NCKAP5: variants seen among roughly 807,000 people sequenced by gnomAD.
NCKAP5 encodes NCK associated protein 5.
In NCKAP5, 92 loss-of-function variants were observed where a neutral mutation model predicts 167.0. That is an observed-to-expected ratio of 0.55 (90% CI 0.47 to 0.66). The LOEUF is 0.66. NCKAP5 is among the 30% of genes least tolerant of loss of function. NCKAP5 has a pLI of 0.00. For missense variants in NCKAP5, 2,378 were observed against 2,315.0 expected, an observed-to-expected ratio of 1.03 and a Z score of -0.56; for synonymous variants, 891 against 877.4, an observed-to-expected ratio of 1.02 and a Z score of -0.27.
At chr2:133,669,336 G>C in the NCKAP5 span, among the ~76,000 whole-genome samples, 10 of 152,168 alleles carry the variant, frequency 6.6e-5, no homozygotes, top group Admixed American at 2.0e-4. Context: ...ATTTTTGTCA[G>C]TGCTTTCTTG....
intron 3 of NCKAP5, among the ~76,000 whole-genome samples, chr2:133,480,781 G>A (rs192291985): frequency 2.7e-4 from 41 of 152,260 alleles, no homozygotes; most frequent in African/African-American, 6.7e-4. Flanking sequence ...AATGAACTGC[G>A]TGTTCCAAGC....
At chr2:133,044,475 T>A (rs1441587848) in intron 6 of NCKAP5, among the ~76,000 whole-genome samples, 1 of 152,054 alleles carries the variant, frequency 6.6e-6, no homozygotes, top group Admixed American at 6.6e-5. Flanking sequence ...AAACATGTAA[T>A]AAGATGGTCA....
chr2:133,650,768 G>A, the NCKAP5 span, among the ~76,000 whole-genome samples: 13 of 152,070 alleles, frequency 8.5e-5, no homozygotes, highest in Admixed American at 2.0e-4. Context: ...TGTAATCCCA[G>A]CTACTCAGGA....
chr2:132,797,395 A>C (rs1369778238), intron 11 of NCKAP5, among the ~76,000 whole-genome samples: 1 of 152,188 alleles, frequency 6.6e-6, no homozygotes, highest in African/African-American at 2.4e-5. Context: ...CACTGTATTA[A>C]TCTTGATACT....
intron 6 of NCKAP5, among the ~76,000 whole-genome samples, chr2:133,080,395 G>A (rs576895383): frequency 1.3e-5 from 2 of 152,182 alleles, no homozygotes; most frequent in East Asian, 1.9e-4. Flanking sequence ...TGGTATACTC[G>A]AGATGAGAGT....
At chr2:133,142,566 G>C (rs1013345377) in intron 5 of NCKAP5, among the ~76,000 whole-genome samples, 1 of 152,024 alleles carries the variant, frequency 6.6e-6, no homozygotes, top group African/African-American at 2.4e-5. Flanking sequence ...GTTCAGAAGT[G>C]GTCTCTCCTG....
chr2:133,410,442 T>C (rs959293286), intron 3 of NCKAP5, among the ~76,000 whole-genome samples: 7 of 152,234 alleles, frequency 4.6e-5, no homozygotes, highest in Admixed American at 2.0e-4. Flanking sequence ...TTCCTCCATA[T>C]ACTAAATGGG....
At chr2:133,250,102 C>T (rs992165754) in intron 4 of NCKAP5, among the ~76,000 whole-genome samples, 2 of 151,204 alleles carry the variant, frequency 1.3e-5, no homozygotes, top group African/African-American at 4.9e-5. Context: ...ACATCAGGAT[C>T]CTGAGACATC....
intron 8 of NCKAP5, among the ~76,000 whole-genome samples, chr2:132,922,513 T>C (rs943107082): frequency 1.3e-5 from 2 of 152,262 alleles, no homozygotes; most frequent in African/African-American, 2.4e-5. Flanking sequence ...CCCAAGGCTT[T>C]TGATGACCTG....
chr2:133,523,012 T>C (rs900226941), intron 2 of NCKAP5, among the ~76,000 whole-genome samples: 29 of 152,112 alleles, frequency 1.9e-4, no homozygotes, highest in African/African-American at 7.0e-4. Flanking sequence ...TTATTGATAC[T>C]AATCTTCCCT....
the NCKAP5 span, among the ~76,000 whole-genome samples, chr2:133,622,461 A>G: frequency 1.3e-5 from 2 of 152,300 alleles, no homozygotes; most frequent in Non-Finnish European, 2.9e-5. Context: ...ATTAATGCAC[A>G]TGATTCAGTA....
intron 5 of NCKAP5, among the ~76,000 whole-genome samples, chr2:133,145,238 C>T (rs528203900): frequency 6.6e-6 from 1 of 151,978 alleles, no homozygotes; most frequent in Admixed American, 6.6e-5. Context: ...CTCTCTCTAC[C>T]AAAAGTTTTA....
In NCKAP5 at chr2:132,800,288, A is replaced by G. The variant is rs72991310; in HGVS notation, c.808-3559T>C. 7.1e-4 allele frequency among the ~76,000 whole-genome samples: 108 copies of G among 152,330 alleles called. 1 individual carries two copies. The highest frequency in any genetic ancestry group is 2.5e-3 in the African/African-American group (105 of 41,570). On this transcript the variant is annotated intron_variant, in intron 11 of 19. Coordinates refer to ENST00000409261, the MANE Select transcript of NCKAP5 (RefSeq NM_207363.3). ...ATTTACTGTTAGTGTTCATCTGAAT[A>G]AAATCTCATCTGAAATACTTTAAAC...
At chr2:132,878,453 A>G (rs748298481) in intron 9 of NCKAP5, among the ~76,000 whole-genome samples, 7 of 152,138 alleles carry the variant, frequency 4.6e-5, no homozygotes, top group African/African-American at 2.4e-5. Context: ...CTGGAGATGC[A>G]GCATGCCCCG....
At chr2:132,809,006 T>C (rs1455960696) in intron 11 of NCKAP5, among the ~76,000 whole-genome samples, 1 of 152,126 alleles carries the variant, frequency 6.6e-6, no homozygotes, top group Non-Finnish European at 1.5e-5. Context: ...TTTATTTCCA[T>C]CTTGATTTGG....
At chr2:133,657,386 A>G in the NCKAP5 span, among the ~76,000 whole-genome samples, 4 of 152,222 alleles carry the variant, frequency 2.6e-5, no homozygotes, top group Non-Finnish European at 5.9e-5. Context: ...AATCAGAGGT[A>G]ACAGTTACTG....
At chr2:133,668,236 T>C in the NCKAP5 span, among the ~76,000 whole-genome samples, 6 of 152,072 alleles carry the variant, frequency 3.9e-5, no homozygotes. Flanking sequence ...AATGTTGCTA[T>C]GAACATCCAT....
chr2:132,876,145 C>T (rs1482945285), intron 9 of NCKAP5, among the ~76,000 whole-genome samples: 3 of 152,116 alleles, frequency 2.0e-5, no homozygotes. Context: ...AATGCAGTGG[C>T]AGGATTATGG....
chr2:133,178,007 A>G (rs1048099484), intron 5 of NCKAP5, among the ~76,000 whole-genome samples: 5 of 152,256 alleles, frequency 3.3e-5, no homozygotes, highest in East Asian at 1.9e-4. Context: ...TCCCATCCCA[A>G]TAGGGGTGCA....
Sources: allele counts gnomAD v4.1 joint callset (sites outside exome capture counted in the v4.1 genomes callset), GRCh38; gene constraint gnomAD v4.1.1; transcripts MANE v1.5; gene names NCBI Gene and HGNC (gene_info 2026-07-23, HGNC 2026-07-21).